Variants in DMD observed in about 807,000 individuals in gnomAD.
The protein encoded by DMD is mutant dystrophin.
DMD carries 63 observed loss-of-function variants against 330.1 expected under a neutral mutation model. The observed-to-expected ratio is 0.19, with a 90% CI of 0.16 to 0.24. The LOEUF is 0.24. Among genes scored for constraint, DMD ranks in the 10% least tolerant of loss-of-function variants. The probability of loss-of-function intolerance (pLI) is 1.00; values close to 1 mark genes in which losing one functional copy is unlikely to be tolerated. For missense variants in DMD, 3,344 were observed against 2,684.1 expected, an observed-to-expected ratio of 1.25 and a Z score of -5.43; for synonymous variants, 1,223 against 959.8, an observed-to-expected ratio of 1.27 and a Z score of -5.07.
At chrX:32,782,898 C>CAT (rs763667436) in intron 7 of DMD, among the ~76,000 whole-genome samples, 3 of 105,314 alleles carry the variant, frequency 2.8e-5, no homozygotes, top group South Asian at 4.1e-4. Context: ...TACATATACA[C>CAT]ATATATATCA....
chrX:33,241,942 A>G (rs1278126654), intron 1 of DMD, among the ~76,000 whole-genome samples: 2 of 110,567 alleles, frequency 1.8e-5, no homozygotes, highest in Non-Finnish European at 3.8e-5. Flanking sequence ...TTGTATTTTT[A>G]GTAGAGACAG....
intron 51 of DMD, among the ~76,000 whole-genome samples, chrX:31,740,649 A>T (rs2087258580): frequency 8.9e-6 from 1 of 111,795 alleles, no homozygotes; most frequent in African/African-American, 3.3e-5. Flanking sequence ...AAAATACATT[A>T]CTCCTAAAAA....
chrX:32,657,105 T>A (rs145251689), intron 9 of DMD, among the ~76,000 whole-genome samples: 7 of 110,313 alleles, frequency 6.3e-5, no homozygotes, highest in African/African-American at 2.3e-4. Flanking sequence ...CTTTCTAACT[T>A]ATTTTATATT....
chrX:33,165,582 G>GA lies in DMD; in HGVS notation c.31+45699dup, dbSNP rs60748491. 9.4e-3 allele frequency among the ~76,000 whole-genome samples: 1,031 copies of GA among 109,434 alleles called. 10 individuals carry two copies. Among genetic ancestry groups the GA allele is most frequent in the African/African-American group, 0.031 (946 of 30,205 alleles). On this transcript the variant is annotated intron_variant, in intron 1 of 78. Coordinates refer to ENST00000357033, the MANE Select transcript of DMD (RefSeq NM_004006.3). ...GAATATACAGGAGAATAGCCAGTAT[G>GA]AAAAAAAAATGTATTCAGAGAAAAG...
chrX:31,425,695 T>TACACACACACACACACGCACACACAC (rs939732484), intron 60 of DMD, among the ~76,000 whole-genome samples: 1,434 of 103,571 alleles, frequency 0.014, 20 homozygotes, highest in African/African-American at 0.051. Flanking sequence ...CAGGCATGAG[T>TACACACACACACACACGCACACACAC]ACACACACAC....
chrX:33,063,970 G>A (rs2094612782), intron 1 of DMD, among the ~76,000 whole-genome samples: 1 of 111,845 alleles, frequency 8.9e-6, no homozygotes, highest in East Asian at 2.8e-4. Context: ...TTTCGTGTGT[G>A]CATTTTAATG....
intron 17 of DMD, among the ~76,000 whole-genome samples, chrX:32,536,431 A>T (rs2047993311): frequency 1.8e-5 from 2 of 111,503 alleles, no homozygotes. Context: ...AGTAGGTACA[A>T]AGAAACAGAA....
chrX:32,573,742 C>T lies in DMD; in HGVS notation c.1704+3G>A, dbSNP rs773123973. 1.3e-4 allele frequency: 161 copies of T among 1,207,858 alleles called. No individual in the cohort carries two copies. Among genetic ancestry groups the T allele is most frequent in the Non-Finnish European group, 1.8e-4 (158 of 893,428 alleles). The stretch of plus-strand genomic sequence containing the variant: ...TACAGCTAGTTTCTCACACATGACA[C>T]ACCTGTTCTTCAGTAAGACGTTGCC... On this transcript the variant is annotated splice_donor_region_variant and intron_variant, in intron 14 of 78. Coordinates refer to ENST00000357033, the MANE Select transcript of DMD (RefSeq NM_004006.3).
At chrX:32,488,781 C>T (rs188181850) in intron 20 of DMD, among the ~76,000 whole-genome samples, 2 of 111,365 alleles carry the variant, frequency 1.8e-5, no homozygotes, top group African/African-American at 6.5e-5. Context: ...AAGATACTAG[C>T]AGGTCCCAGA....
At chrX:32,820,276 G>A (rs185577371) in intron 5 of DMD, among the ~76,000 whole-genome samples, 1,260 of 110,253 alleles carry the variant, frequency 0.011, 16 homozygotes, top group African/African-American at 0.038. Flanking sequence ...CATCTCTACT[G>A]AACAAAATAC....
At chrX:31,604,877 C>T (rs2077536386) in intron 55 of DMD, among the ~76,000 whole-genome samples, 1 of 111,604 alleles carries the variant, frequency 9.0e-6, no homozygotes, top group African/African-American at 3.3e-5. Context: ...AGGGGATTTC[C>T]AGCATTTTGC....
chrX:32,806,708 A>G (rs1180987194), intron 7 of DMD, among the ~76,000 whole-genome samples: 3 of 111,686 alleles, frequency 2.7e-5, no homozygotes, highest in Non-Finnish European at 3.8e-5. Context: ...AACACTCCTC[A>G]GCAAATGCAA....
chrX:32,811,933 C>T (rs1181719770), intron 6 of DMD, among the ~76,000 whole-genome samples: 1 of 111,873 alleles, frequency 8.9e-6, no homozygotes, highest in East Asian at 2.8e-4. Flanking sequence ...GCAAAACATG[C>T]TCAGATAATC....
chrX:32,188,025 A>C lies in DMD; in HGVS notation c.6438+28891T>G, dbSNP rs962496916. ...TATAGAATTTTTTATCTGGTGACAA[A>C]TAGTTCTGCCAAAAGACAGATAAAG... is the stretch of plus-strand genomic sequence containing the variant. On this transcript the variant is annotated intron_variant, in intron 44 of 78. Coordinates refer to ENST00000357033, the MANE Select transcript of DMD (RefSeq NM_004006.3). Among the ~76,000 whole-genome samples, 17 of 111,178 alleles carry C rather than the reference A, an allele frequency of 1.5e-4. No homozygotes were observed. In the Admixed American group the frequency reaches 1.6e-3, roughly 11 times the overall value.
At chrX:31,220,237 C>A (rs953060916) in intron 64 of DMD, among the ~76,000 whole-genome samples, 1 of 111,478 alleles carries the variant, frequency 9.0e-6, no homozygotes, top group Non-Finnish European at 1.9e-5. Flanking sequence ...AACTCCTCAG[C>A]CCCCTCCAAC....
At chrX:32,114,767 C>T (rs1018134867) in intron 44 of DMD, among the ~76,000 whole-genome samples, 2 of 112,367 alleles carry the variant, frequency 1.8e-5, no homozygotes, top group African/African-American at 6.5e-5. Flanking sequence ...TACTATTTAG[C>T]AATGGATACA....
rs775227724 is a variant in DMD at position 32,612,667 on chromosome X, G to A, written c.1482+1636C>T. 1.5e-4 allele frequency among the ~76,000 whole-genome samples: 17 copies of A among 111,323 alleles called. No individual in the cohort carries two copies. The South Asian group carries it at 3.4e-3, about 22-fold the overall frequency. On this transcript the variant is annotated intron_variant, in intron 12 of 78. Coordinates refer to ENST00000357033, the MANE Select transcript of DMD (RefSeq NM_004006.3). ...ATGTGCCACATCGGAAAAGCGGTACGGTTAGAGAACTAGCACTGTACCTAA... is the reference window on the plus strand; with the variant it reads ...ATGTGCCACATCGGAAAAGCGGTACAGTTAGAGAACTAGCACTGTACCTAA...
At chrX:32,042,522 G>A (rs140278134) in intron 44 of DMD, among the ~76,000 whole-genome samples, 93 of 111,243 alleles carry the variant, frequency 8.4e-4, no homozygotes, top group African/African-American at 2.7e-3. Context: ...CCTCCACCTG[G>A]TCTCTCCCTT....
chrX:32,463,571 T>G lies in DMD; in HGVS notation c.3300A>C (p.Thr1100=). 1 of 1,175,800 alleles carries G rather than the reference T, an allele frequency of 8.5e-7. No homozygotes were observed. Among genetic ancestry groups the G allele is most frequent in the Non-Finnish European group, 1.1e-6 (1 of 876,421 alleles). Residue 1100 remains threonine, a synonymous_variant, in exon 25 of 79, where the codon ACA becomes ACC. Coordinates refer to ENST00000357033, the MANE Select transcript of DMD (RefSeq NM_004006.3). ...QCRLLVSDIQ[T]IQPSLNSVNE... Reference sequence around the variant, plus strand: ...TGACACTGTTTAGACTGGGCTGAATTGTCTGAATATCACTGACTAAAAGCT... The same window carrying G: ...TGACACTGTTTAGACTGGGCTGAATGGTCTGAATATCACTGACTAAAAGCT...
Sources: gnomAD v4.1 joint callset for allele counts (sites outside exome capture counted in the v4.1 genomes callset) on GRCh38, gnomAD v4.1.1 for gene constraint, MANE v1.5 for transcripts, NCBI Gene and HGNC (gene_info 2026-07-23, HGNC 2026-07-21) for gene names.